The following MYO9B variants were observed in gnomAD, a reference collection of about 807,000 sequenced individuals.
The protein encoded by MYO9B is unconventional myosin-IXb.
A neutral mutation model predicts 229.5 loss-of-function variants in MYO9B; 71 were observed. The observed-to-expected ratio is 0.31, with a 90% CI of 0.26 to 0.38. MYO9B has a LOEUF of 0.38. Among genes scored for constraint, MYO9B ranks in the 10% least tolerant of loss-of-function variants. The probability of loss-of-function intolerance (pLI) is 1.00; values close to 1 mark genes in which losing one functional copy is unlikely to be tolerated. For synonymous variants in MYO9B, 1,185 were observed against 1,235.8 expected (o/e 0.96, Z 0.86); for missense variants, 2,255 against 2,920.5 (o/e 0.77, Z 5.25).
At position 17,101,544 on chromosome 19, in the gene MYO9B, C is replaced by T. The variant is rs75322036; in HGVS notation, c.-58-116C>T. On this transcript the variant is annotated intron_variant, in intron 1 of 39. Transcript: ENST00000682292. This position sits in a 1 kb window ranked among gnomAD's most constrained non-coding sequence, Gnocchi z 4.7. ...CTCTGGCTTTTTGGGCGAGCCTAGT[C>T]GGGTGGGGAACTCCAGCATCGGGTC... The T allele has an allele frequency of 0.013, 13,964 of 1,058,534 alleles. 201 individuals carry two copies. Among genetic ancestry groups the T allele is most frequent in the East Asian group, 0.041 (1,540 of 37,876 alleles). The allele number at this position is 1,058,534 out of a possible 1,614,324, so 65.6% of individuals were successfully genotyped here.
rs1246871159 is a variant in MYO9B, at chr19:17,185,055, C to CA, written c.2496+69dup. The CA allele has an allele frequency of 1.9e-6, 3 of 1,605,196 alleles. No homozygotes were observed. In the African/African-American group the frequency reaches 4.0e-5, roughly 21 times the overall value. Reference sequence around the variant, plus strand: ...CTCAGGCTTGTGTAGCTTCACCCGACACCGAGCACAGCCCGTCTCTAGTAA... The same window carrying CA: ...CTCAGGCTTGTGTAGCTTCACCCGACAACCGAGCACAGCCCGTCTCTAGTAA... On this transcript the variant is annotated intron_variant, in intron 17 of 39. Transcript: ENST00000682292.
intron 1 of MYO9B, among the ~76,000 whole-genome samples, chr19:17,079,422 G>A (rs1285991695): frequency 6.6e-6 from 1 of 152,136 alleles, no homozygotes; most frequent in Non-Finnish European, 1.5e-5. Flanking sequence ...TCTTGTGACT[G>A]ACCTGGATTT....
At chr19:17,196,481 G>A (rs191856476) in intron 22 of MYO9B, among the ~76,000 whole-genome samples, 41 of 152,174 alleles carry the variant, frequency 2.7e-4, no homozygotes, top group Non-Finnish European at 3.4e-4. Context: ...AGAGGAGTTC[G>A]AGACCAGCCT....
At chr19:17,088,396 T>C (rs972886645) in intron 1 of MYO9B, among the ~76,000 whole-genome samples, 10 of 152,220 alleles carry the variant, frequency 6.6e-5, no homozygotes, top group Non-Finnish European at 1.5e-4. Flanking sequence ...AGGTTCGCGG[T>C]AAGCATGAGT....
chr19:17,153,462 G>A (rs1424765572), intron 4 of MYO9B, among the ~76,000 whole-genome samples: 1 of 151,230 alleles, frequency 6.6e-6, no homozygotes, highest in Non-Finnish European at 1.5e-5. Context: ...CTAAGAGGCA[G>A]GATCACATGA....
At position 17,202,213 on chromosome 19, in the gene MYO9B, G is replaced by A; in HGVS notation, c.4746G>A (p.Gln1582=). The A allele has an allele frequency of 1.2e-6, 2 of 1,612,536 alleles. No individual in the cohort carries two copies. The highest frequency in any genetic ancestry group is 1.7e-6 in the Non-Finnish European group (2 of 1,179,378). The change falls in exon 28 of 40, where the codon CAG becomes CAA. Residue 1582 remains glutamine (Q), a synonymous_variant. Coordinates refer to ENST00000682292, the MANE Select transcript of MYO9B (RefSeq NM_004145.4). ...VVSNLATERG[Q]KDTNLVLNLF... The stretch of plus-strand genomic sequence containing the variant: ...GCAACCTGGCCACTGAGCGTGGCCA[G>A]AAGGACACCAACCTGGTCCTCAACC...
Position 17,145,469 on chromosome 19 carries a change from C to G in MYO9B, c.913C>G (p.Leu305Val). The change falls in exon 3 of 40, where the codon CTA (leucine) becomes GTA (valine). Residue 305 changes from leucine to valine, a missense_variant. Around this residue, in one of 7 missense-constraint regions of MYO9B, gnomAD observed 386 missense variants for 515.2 expected, o/e 0.75. Coordinates refer to ENST00000682292, the MANE Select transcript of MYO9B (RefSeq NM_004145.4). ...TGGGAAATTCATCCAAGTCAGCTAC[C>G]TAGAGAGTGGCATCGTGAGAGGGTG... ...RFGKFIQVSY[L>V]ESGIVRGAVV... The G allele has an allele frequency of 6.2e-7, 1 of 1,613,954 alleles. No homozygotes were observed. The highest frequency in any genetic ancestry group is 8.5e-7 in the Non-Finnish European group (1 of 1,179,868).
rs1198871332 is a variant in MYO9B, at chr19:17,205,996, T to C, written c.5101T>C (p.Cys1701Arg). The change falls in exon 32 of 40, where the codon TGC becomes CGC. Residue 1701 changes from cysteine to arginine, a missense_variant. Physicochemically the swap from Cys to Arg is radical, Grantham distance 180. This residue lies in a region of MYO9B where 416 missense variants were observed against 605.5 expected (regional missense o/e 0.69). Coordinates refer to ENST00000682292, the MANE Select transcript of MYO9B (RefSeq NM_004145.4). ...PGVEPGHFGV[C>R]VDSLTSDKAS... The stretch of plus-strand genomic sequence containing the variant: ...CGTTGAGCCTGGCCACTTCGGCGTG[T>C]GCGTAGACAGCCTGACCAGCGACAA... 1.9e-6 allele frequency: 3 copies of C among 1,596,804 alleles called. No homozygotes were observed. The highest frequency in any genetic ancestry group is 2.6e-6 in the Non-Finnish European group (3 of 1,171,320).
Position 17,145,463 on chromosome 19 carries a change from A to G in MYO9B, c.907A>G (p.Ser303Gly), listed in dbSNP as rs549923769. The G allele has an allele frequency of 2.4e-5, 39 of 1,613,972 alleles. No homozygotes were observed. Among genetic ancestry groups the G allele is most frequent in the African/African-American group, 4.0e-5 (3 of 75,050 alleles). The change falls in exon 3 of 40, where the codon AGC (serine) becomes GGC (glycine). Residue 303 changes from serine (S) to glycine (G), a missense_variant. By Grantham distance (56) the Ser-to-Gly change is moderately conservative (BLOSUM62 0). This residue lies in a region of MYO9B where 386 missense variants were observed against 515.2 expected (regional missense o/e 0.75). Transcript: ENST00000682292. ...SSRFGKFIQV[S>G]YLESGIVRGA... ...CCGGTTTGGGAAATTCATCCAAGTC[A>G]GCTACCTAGAGAGTGGCATCGTGAG...
At chr19:17,202,630 C>T (rs1278236761) in intron 28 of MYO9B, among the ~76,000 whole-genome samples, 1 of 152,342 alleles carries the variant, frequency 6.6e-6, no homozygotes, top group East Asian at 1.9e-4. Context: ...ATTTGTGCCA[C>T]ACCTACCTCC....
At chr19:17,146,911 A>G (rs2072417886) in intron 3 of MYO9B, among the ~76,000 whole-genome samples, 1 of 152,330 alleles carries the variant, frequency 6.6e-6, no homozygotes, top group Admixed American at 6.5e-5. Context: ...AACCTGACTG[A>G]TGATCATTTC....
chr19:17,114,467 G>A (rs189283653), intron 2 of MYO9B, among the ~76,000 whole-genome samples: 20 of 152,166 alleles, frequency 1.3e-4, no homozygotes, highest in African/African-American at 4.3e-4. Context: ...CGATGATGAA[G>A]CGGCCCTAGG....
intron 19 of MYO9B, among the ~76,000 whole-genome samples, chr19:17,189,675 A>C (rs1171825339): frequency 1.3e-5 from 2 of 151,904 alleles, no homozygotes; most frequent in African/African-American, 4.8e-5. Context: ...CAAGTCCTAG[A>C]CTGTAAGCCC....
Position 17,162,838 on chromosome 19 carries a change from G to A in MYO9B, c.1537-150G>A, listed in dbSNP as rs138289273. ...ACCCCATCTCCAAAAAAAAATTATG[G>A]ATTCCATGCTGGTAATGGCAAAGTG... is the stretch of plus-strand genomic sequence containing the variant. On this transcript the variant is annotated intron_variant, in intron 9 of 39. Coordinates refer to ENST00000682292, the MANE Select transcript of MYO9B (RefSeq NM_004145.4). 1,900 of 897,884 alleles carry A rather than the reference G, an allele frequency of 2.1e-3. 4 individuals carry two copies. Among genetic ancestry groups the A allele is most frequent in the Non-Finnish European group, 2.6e-3 (1,557 of 606,390 alleles). The allele number at this position is 897,884 out of a possible 1,614,324, so 55.6% of individuals were successfully genotyped here.
At chr19:17,188,888 C>T (rs1310865352) in intron 19 of MYO9B, among the ~76,000 whole-genome samples, 1 of 151,648 alleles carries the variant, frequency 6.6e-6, no homozygotes, top group Non-Finnish European at 1.5e-5. Flanking sequence ...TGGCTCACAC[C>T]TATAATTCCA....
At chr19:17,205,459 G>A in intron 31 of MYO9B, 123 bp downstream of exon 31, 2 of 889,604 alleles carry the variant, frequency 2.2e-6, no homozygotes, top group Non-Finnish European at 3.6e-6. Context: ...GGCGGCTGTG[G>A]CCTCTGGTTC....
At chr19:17,128,068 T>C (rs2072147258) in intron 2 of MYO9B, among the ~76,000 whole-genome samples, 1 of 152,028 alleles carries the variant, frequency 6.6e-6, no homozygotes, top group Admixed American at 6.6e-5. Context: ...TCTTGCAAAG[T>C]GTCTCAGCAG....
intron 34 of MYO9B, 52 bp downstream of exon 34, chr19:17,206,836 C>T (rs1024610684): frequency 1.3e-5 from 18 of 1,438,038 alleles, no homozygotes; most frequent in East Asian, 9.9e-5. Flanking sequence ...ATTGGGAACC[C>T]GCGAGGCAGC....
intron 14 of MYO9B, 60 bp from the exon 15 acceptor site, chr19:17,180,867 A>C (rs1038508594): frequency 8.5e-7 from 1 of 1,181,282 alleles, no homozygotes; most frequent in African/African-American, 1.5e-5. Flanking sequence ...CCGAGGTGGC[A>C]GGCCTGCTTC....
Sources: gnomAD v4.1 joint callset for allele counts (sites outside exome capture counted in the v4.1 genomes callset) on GRCh38, gnomAD v4.1.1 for gene constraint, gnomAD v4.1.1 regional missense constraint, Gnocchi (gnomAD v3.1) non-coding constraint, MANE v1.5 for transcripts, NCBI Gene and HGNC (gene_info 2026-07-23, HGNC 2026-07-21) for gene names.